The following BACH1 variants were observed in gnomAD, a reference collection of about 807,000 sequenced individuals.
BACH1 encodes transcription regulator protein BACH1.
In BACH1, 35 loss-of-function variants were observed where a neutral mutation model predicts 52.9. The observed-to-expected ratio is 0.66, with a 90% CI of 0.51 to 0.88. BACH1 has a LOEUF of 0.88. Among genes scored for constraint, BACH1 ranks in the 40% least tolerant of loss-of-function variants. BACH1 has a pLI of 0.00. For synonymous variants in BACH1, 321 were observed against 319.6 expected (o/e 1.00, Z -0.05); for missense variants, 808 against 872.6 (o/e 0.93, Z 0.93).
chr21:29,313,239 C>G (rs1374955291), intron 1 of BACH1, among the ~76,000 whole-genome samples: 1 of 152,268 alleles, frequency 6.6e-6, no homozygotes, highest in East Asian at 1.9e-4. Context: ...TATCTGCCAC[C>G]GCCGATGAAA....
At chr21:29,355,665 T>C (rs1315350944) in intron 2 of BACH1, among the ~76,000 whole-genome samples, 3 of 152,176 alleles carry the variant, frequency 2.0e-5, no homozygotes, top group Admixed American at 2.0e-4. Flanking sequence ...TCATTTGGGG[T>C]TCCATTCGTA....
chr21:29,308,906 G>T (rs1253675089), intron 1 of BACH1, among the ~76,000 whole-genome samples: 1 of 152,120 alleles, frequency 6.6e-6, no homozygotes, highest in East Asian at 1.9e-4. Context: ...TTTAGTGTCA[G>T]GTTCCTTTCA....
chr21:29,327,090 A>G lies in BACH1; in HGVS notation c.1266A>G (p.Lys422=). 6.2e-7 allele frequency: 1 copy of G among 1,614,244 alleles called. No individual in the cohort carries two copies. The highest frequency in any genetic ancestry group is 8.5e-7 in the Non-Finnish European group (1 of 1,180,042). The change falls in exon 3 of 5, where the codon AAA becomes AAG. Residue 422 remains lysine, a synonymous_variant. Coordinates refer to ENST00000286800, the MANE Select transcript of BACH1 (RefSeq NM_001186.4). Reference sequence around the variant, plus strand: ...TGCAGTTATCACCTGCTGTGGCCAAAGATGGCTCAGAACAGATCTCACAGA... The same window carrying G: ...TGCAGTTATCACCTGCTGTGGCCAAGGATGGCTCAGAACAGATCTCACAGA... ...CQMQLSPAVA[K]DGSEQISQKR...
intron 1 of BACH1, among the ~76,000 whole-genome samples, chr21:29,314,620 G>A (rs762609854): frequency 6.6e-6 from 1 of 152,082 alleles, no homozygotes; most frequent in African/African-American, 2.4e-5. Context: ...AAAAGCGGTG[G>A]CATCTTTAGT....
At chr21:29,335,773 CT>C (rs2123465133) in intron 4 of BACH1, among the ~76,000 whole-genome samples, 1 of 152,230 alleles carries the variant, frequency 6.6e-6, no homozygotes, top group Admixed American at 6.5e-5. Context: ...CATCTTGGTC[CT>C]TTTTTAACCC....
intron 1 of BACH1, among the ~76,000 whole-genome samples, chr21:29,313,930 G>A (rs1261231000): frequency 6.6e-6 from 1 of 152,078 alleles, no homozygotes; most frequent in Non-Finnish European, 1.5e-5. Flanking sequence ...GTTGTTAAAG[G>A]TCATTGTATT....
At chr21:29,355,748 G>A (rs1273233526) in intron 2 of BACH1, among the ~76,000 whole-genome samples, 2 of 152,180 alleles carry the variant, frequency 1.3e-5, no homozygotes, top group Non-Finnish European at 2.9e-5. Flanking sequence ...ATAAGGGTCC[G>A]AAGGCGAGTA....
In BACH1 at chr21:29,321,270, T is replaced by C; in HGVS notation, c.-11T>C. 6.2e-7 allele frequency: 1 copy of C among 1,601,124 alleles called. No individual in the cohort carries two copies. Among genetic ancestry groups the C allele is most frequent in the Non-Finnish European group, 8.6e-7 (1 of 1,168,352 alleles). On this transcript the variant is annotated 5_prime_UTR_variant, in exon 2 of 5. Transcript: ENST00000286800. The stretch of plus-strand genomic sequence containing the variant: ...TTCCACTGAACTTCCCGACAACATT[T>C]GTTATGCAGAATGTCTCTGAGTGAG...
chr21:29,334,151 G>C (rs1045339828), intron 4 of BACH1, among the ~76,000 whole-genome samples: 1 of 151,346 alleles, frequency 6.6e-6, no homozygotes, highest in Non-Finnish European at 1.5e-5. Context: ...TTTCGCCCAG[G>C]CTGGAGGTCG....
At chr21:29,302,636 T>G (rs1262102289) in intron 1 of BACH1, among the ~76,000 whole-genome samples, 2 of 152,232 alleles carry the variant, frequency 1.3e-5, no homozygotes, top group Non-Finnish European at 2.9e-5. Flanking sequence ...TATGCGTTAA[T>G]ACGGGGTAAG....
Position 29,323,209 on chromosome 21 carries a change from A to G in BACH1, c.234+1695A>G, listed in dbSNP as rs1008741724. 7.9e-5 allele frequency among the ~76,000 whole-genome samples: 12 copies of G among 152,168 alleles called. No homozygotes were observed. The South Asian group carries it at 2.5e-3, about 31-fold the overall frequency. Reference sequence around the variant, plus strand: ...CAGAGGGACAGAACTAATAGGATATATGTATGTATGAAGGGGCGTTTGTTA... The same window carrying G: ...CAGAGGGACAGAACTAATAGGATATGTGTATGTATGAAGGGGCGTTTGTTA... On this transcript the variant is annotated intron_variant, in intron 2 of 4. Transcript: ENST00000286800.
intron 1 of BACH1, among the ~76,000 whole-genome samples, chr21:29,304,350 C>T (rs1383467361): frequency 6.6e-6 from 1 of 152,126 alleles, no homozygotes; most frequent in African/African-American, 2.4e-5. Context: ...GTCTCGAACT[C>T]CTGACCTCAA....
At chr21:29,325,909 A>G (rs2088904908) in intron 2 of BACH1, 150 bp from the exon 3 acceptor site, 1 of 860,602 alleles carries the variant, frequency 1.2e-6, no homozygotes. Flanking sequence ...TACATTTCTT[A>G]GAAGAATATG....
chr21:29,333,106 G>A (rs538831183), intron 4 of BACH1, among the ~76,000 whole-genome samples: 4 of 152,330 alleles, frequency 2.6e-5, no homozygotes, highest in African/African-American at 4.8e-5. Context: ...TCTGTACTGC[G>A]TAGATGTCTT....
At chr21:29,313,342 A>G (rs1008054008) in intron 1 of BACH1, among the ~76,000 whole-genome samples, 1 of 152,242 alleles carries the variant, frequency 6.6e-6, no homozygotes, top group African/African-American at 2.4e-5. Context: ...CACTGCTGGT[A>G]GCAAGATAAA....
intron 1 of BACH1, among the ~76,000 whole-genome samples, chr21:29,307,365 A>G (rs2088670536): frequency 6.6e-6 from 1 of 152,166 alleles, no homozygotes; most frequent in Admixed American, 6.5e-5. Flanking sequence ...TTGTAGAAAG[A>G]TTAAATCAAG....
chr21:29,311,369 CTATT>C (rs1357560126), intron 1 of BACH1, among the ~76,000 whole-genome samples: 3 of 151,696 alleles, frequency 2.0e-5, no homozygotes, highest in Non-Finnish European at 2.9e-5. Context: ...TGTTTACTAT[CTATT>C]TAAACATTTT....
At chr21:29,310,000 A>G (rs535369782) in intron 1 of BACH1, among the ~76,000 whole-genome samples, 1 of 152,256 alleles carries the variant, frequency 6.6e-6, no homozygotes, top group East Asian at 1.9e-4. Context: ...ATTTTCCTAT[A>G]GCAGGGTTCT....
intron 1 of BACH1, among the ~76,000 whole-genome samples, chr21:29,300,511 A>G (rs940835165): frequency 6.6e-5 from 10 of 152,194 alleles, no homozygotes; most frequent in East Asian, 3.8e-4. Flanking sequence ...GCAGTGGCCA[A>G]TAGCACTGAG....
Sources: allele counts gnomAD v4.1 joint callset (sites outside exome capture counted in the v4.1 genomes callset), GRCh38; gene constraint gnomAD v4.1.1; transcripts MANE v1.5; gene names NCBI Gene and HGNC (gene_info 2026-07-23, HGNC 2026-07-21).